The following GALNT2 variants were observed in gnomAD, a reference collection of about 807,000 sequenced individuals.
GALNT2 encodes the protein polypeptide N-acetylgalactosaminyltransferase 2, also known as UDP-GalNAc:polypeptide N-acetylgalactosaminyltransferase 2.
In GALNT2, 31 loss-of-function variants were observed where a neutral mutation model predicts 81.4. The ratio of observed to expected loss-of-function variants is 0.38; its 90% CI spans 0.29 to 0.51. GALNT2 has a LOEUF of 0.51. GALNT2 is among the 20% of genes least tolerant of loss of function. The pLI, the probability that GALNT2 is intolerant of heterozygous loss-of-function variation, is 0.87. For synonymous variants in GALNT2, 303 were observed against 287.4 expected, an observed-to-expected ratio of 1.05 and a Z score of -0.55; for missense variants, 629 against 765.7, an observed-to-expected ratio of 0.82 and a Z score of 2.11.
At chr1:230,228,609 A>G (rs534439729) in intron 3 of GALNT2, among the ~76,000 whole-genome samples, 2 of 152,214 alleles carry the variant, frequency 1.3e-5, no homozygotes, top group Admixed American at 1.3e-4. Flanking sequence ...GAAGGATAGC[A>G]TGGAACTTGT....
Position 230,082,127 on chromosome 1 carries a change from A to G in GALNT2, c.126+14721A>G, listed in dbSNP as rs144581029. On this transcript the variant is annotated intron_variant, in intron 1 of 15. Transcript: ENST00000366672. ...GGAGTGTCAGTCGGGGTGCAGAGGC[A>G]CCTGGTGAGGCAGGCTTTTCCATCC... Among the ~76,000 whole-genome samples the G allele has an allele frequency of 2.9e-3, 444 of 152,246 alleles. 2 individuals carry two copies. Among genetic ancestry groups the G allele is most frequent in the African/African-American group, 0.01 (435 of 41,540 alleles).
intron 1 of GALNT2, among the ~76,000 whole-genome samples, chr1:230,061,938 T>A (rs56177040): frequency 0.29 from 43,716 of 152,210 alleles, 11,928 homozygotes; most frequent in African/African-American, 0.72. Context: ...TTGTTACAGA[T>A]AAAGTAGCAG....
chr1:230,244,156 A>C (rs575085685), intron 7 of GALNT2, among the ~76,000 whole-genome samples: 1 of 152,108 alleles, frequency 6.6e-6, no homozygotes, highest in Admixed American at 6.5e-5. Flanking sequence ...GTTCTGCCTA[A>C]GCATAGCAAG....
chr1:230,277,812 A>G (rs1298210119), intron 15 of GALNT2, among the ~76,000 whole-genome samples: 2 of 152,118 alleles, frequency 1.3e-5, no homozygotes, highest in Non-Finnish European at 2.9e-5. Flanking sequence ...TTGGAACTGA[A>G]CTGGCTTTGC....
chr1:230,262,760 C>T, intron 12 of GALNT2, 95 bp downstream of exon 12: 1 of 1,372,318 alleles, frequency 7.3e-7, no homozygotes, highest in Non-Finnish European at 1.0e-6. Flanking sequence ...ATTCAGCTAC[C>T]CAGGTGCCAA....
At chr1:230,097,556 T>G (rs529451704) in intron 1 of GALNT2, among the ~76,000 whole-genome samples, 1 of 152,364 alleles carries the variant, frequency 6.6e-6, no homozygotes, top group South Asian at 2.1e-4. Context: ...TTCATCCCTG[T>G]TAGAGCGTGT....
intron 1 of GALNT2, among the ~76,000 whole-genome samples, chr1:230,166,396 C>T (rs1172634198): frequency 2.0e-5 from 3 of 152,356 alleles, no homozygotes; most frequent in East Asian, 1.9e-4. Context: ...GTGCCTCACA[C>T]GGTGTTTCTC....
intron 1 of GALNT2, among the ~76,000 whole-genome samples, chr1:230,103,718 A>G (rs1660463479): frequency 7.1e-6 from 1 of 140,652 alleles, no homozygotes; most frequent in Non-Finnish European, 1.6e-5. Context: ...CCACACACAC[A>G]AAGCCAAAAG....
intron 1 of GALNT2, among the ~76,000 whole-genome samples, chr1:230,074,189 C>T (rs1241568768): frequency 6.6e-6 from 1 of 151,886 alleles, no homozygotes; most frequent in Non-Finnish European, 1.5e-5. Context: ...AACTCCTGGG[C>T]TCAGGTGATC....
chr1:230,239,352 A>G (rs1665127947), intron 6 of GALNT2, among the ~76,000 whole-genome samples: 1 of 152,238 alleles, frequency 6.6e-6, no homozygotes, highest in Non-Finnish European at 1.5e-5. Flanking sequence ...CACAAGGTGA[A>G]GCCCCACAAT....
At chr1:230,168,443 C>T (rs1662682936) in intron 1 of GALNT2, among the ~76,000 whole-genome samples, 7 of 152,312 alleles carry the variant, frequency 4.6e-5, no homozygotes, top group Middle Eastern at 3.4e-3. Context: ...TGAGGCCTTG[C>T]CCCTCCTGTC....
At chr1:230,166,391 T>C (rs1662604375) in intron 1 of GALNT2, among the ~76,000 whole-genome samples, 1 of 152,254 alleles carries the variant, frequency 6.6e-6, no homozygotes, top group Admixed American at 6.5e-5. Context: ...ATGGTGTGCC[T>C]CACACGGTGT....
At chr1:230,093,092 T>A (rs1348165718) in intron 1 of GALNT2, among the ~76,000 whole-genome samples, 1 of 152,304 alleles carries the variant, frequency 6.6e-6, no homozygotes, top group African/African-American at 2.4e-5. Context: ...ACATTTCAGC[T>A]TACGTCTACT....
chr1:230,096,502 C>G, intron 1 of GALNT2, among the ~76,000 whole-genome samples: 1 of 152,166 alleles, frequency 6.6e-6, no homozygotes, highest in East Asian at 1.9e-4. Context: ...CCTTTCCCCT[C>G]TCTCCCTTCT....
At chr1:230,125,544 G>A (rs540828669) in intron 1 of GALNT2, among the ~76,000 whole-genome samples, 11 of 152,170 alleles carry the variant, frequency 7.2e-5, no homozygotes, top group South Asian at 2.1e-4. Flanking sequence ...TTGTAATATC[G>A]TATCTGTGGG....
At chr1:230,216,523 C>T (rs1012684422) in intron 3 of GALNT2, among the ~76,000 whole-genome samples, 1 of 152,348 alleles carries the variant, frequency 6.6e-6, no homozygotes, top group African/African-American at 2.4e-5. Flanking sequence ...CTCACCGTAA[C>T]AAACTCCTGG....
intron 1 of GALNT2, among the ~76,000 whole-genome samples, chr1:230,105,106 C>G (rs1660504861): frequency 6.6e-6 from 1 of 152,176 alleles, no homozygotes; most frequent in African/African-American, 2.4e-5. Flanking sequence ...AGCTGCTGTG[C>G]TGTTAGATCC....
intron 15 of GALNT2, among the ~76,000 whole-genome samples, chr1:230,277,883 A>G (rs543523886): frequency 6.6e-6 from 1 of 152,302 alleles, no homozygotes; most frequent in African/African-American, 2.4e-5. Context: ...ATATTTGCAG[A>G]GTCAAAGGGG....
intron 3 of GALNT2, among the ~76,000 whole-genome samples, chr1:230,209,892 A>G (rs1664180906): frequency 6.6e-6 from 1 of 152,070 alleles, no homozygotes; most frequent in South Asian, 2.1e-4. Flanking sequence ...TGACTAATAC[A>G]GAGTGGAAAC....
Sources: gnomAD v4.1 joint callset for allele counts (sites outside exome capture counted in the v4.1 genomes callset) on GRCh38, gnomAD v4.1.1 for gene constraint, MANE v1.5 for transcripts, NCBI Gene and HGNC (gene_info 2026-07-23, HGNC 2026-07-21) for gene names.